Variants in STK3 observed in about 807,000 individuals in gnomAD.
STK3 encodes the protein serine/threonine-protein kinase 3.
STK3 carries 41 observed loss-of-function variants against 58.0 expected under a neutral mutation model. That is an observed-to-expected ratio of 0.71 (90% CI 0.55 to 0.92). The LOEUF is 0.92. STK3 is among the 40% of genes least tolerant of loss of function. The pLI is 0.00. For missense variants in STK3, 479 were observed against 602.7 expected (o/e 0.79, Z 2.15); for synonymous variants, 170 against 191.0 (o/e 0.89, Z 0.91).
At chr8:98,622,717 T>C (rs997234646) in intron 6 of STK3, among the ~76,000 whole-genome samples, 3 of 152,354 alleles carry the variant, frequency 2.0e-5, no homozygotes, top group South Asian at 2.1e-4. Context: ...TGTGTTCGCC[T>C]ATCCTAATGT....
At chr8:98,656,435 T>G (rs912115969) in intron 6 of STK3, among the ~76,000 whole-genome samples, 1 of 152,028 alleles carries the variant, frequency 6.6e-6, no homozygotes, top group Admixed American at 6.6e-5. Context: ...TGTATACATA[T>G]GTAACTAACC....
chr8:98,719,022 G>T (rs1827219963), intron 4 of STK3, among the ~76,000 whole-genome samples: 1 of 152,140 alleles, frequency 6.6e-6, no homozygotes, highest in Non-Finnish European at 1.5e-5. Context: ...GTACAGACTT[G>T]TCGATACAAA....
chr8:98,834,313 C>T (rs1411448955), intron 3 of STK3, among the ~76,000 whole-genome samples: 1 of 152,152 alleles, frequency 6.6e-6, no homozygotes, highest in Non-Finnish European at 1.5e-5. Context: ...TGAATCTGTG[C>T]TCCCAGGCTG....
intron 6 of STK3, among the ~76,000 whole-genome samples, chr8:98,698,669 T>C (rs981852965): frequency 9.2e-5 from 14 of 152,242 alleles, no homozygotes; most frequent in Admixed American, 3.9e-4. Context: ...AATTCTTTTC[T>C]TTAAGAATGT....
At chr8:98,792,935 G>C (rs1832901160) in intron 1 of STK3, among the ~76,000 whole-genome samples, 1 of 150,730 alleles carries the variant, frequency 6.6e-6, no homozygotes, top group African/African-American at 2.5e-5. Context: ...TATTACATAT[G>C]TGTGTACATA....
chr8:98,620,725 A>C (rs1468357397), intron 6 of STK3, among the ~76,000 whole-genome samples: 1 of 151,806 alleles, frequency 6.6e-6, no homozygotes, highest in Non-Finnish European at 1.5e-5. Context: ...AAAAAAGTTA[A>C]AAATATCAAT....
At chr8:98,936,065 G>A (rs953796239) in intron 1 of STK3, among the ~76,000 whole-genome samples, 9 of 151,856 alleles carry the variant, frequency 5.9e-5, no homozygotes, top group Admixed American at 2.0e-4. Context: ...ACAGGTGCCC[G>A]CCACCACACC....
intron 3 of STK3, among the ~76,000 whole-genome samples, chr8:98,416,244 C>T (rs950392925): frequency 4.6e-5 from 7 of 151,982 alleles, no homozygotes; most frequent in African/African-American, 1.2e-4. Flanking sequence ...TGGATTTGGG[C>T]GATCAAGATG....
chr8:98,793,386 A>G (rs1348747456), intron 1 of STK3, among the ~76,000 whole-genome samples: 1 of 152,164 alleles, frequency 6.6e-6, no homozygotes, highest in Non-Finnish European at 1.5e-5. Flanking sequence ...AAAATACAAA[A>G]AATTAGCCAG....
rs1833448276 is a variant in STK3 at position 98,800,351 on chromosome 8, T to C, written c.26+25164A>G. Among the ~76,000 whole-genome samples, 1 of 152,138 alleles carries C rather than the reference T, an allele frequency of 6.6e-6. No homozygotes were observed. Among genetic ancestry groups the C allele is most frequent in the Admixed American group, 6.5e-5 (1 of 15,282 alleles). On this transcript the variant is annotated intron_variant, in intron 1 of 10. Transcript: ENST00000419617. This position sits in a 1 kb window ranked among gnomAD's most constrained non-coding sequence, Gnocchi z 4.8. The stretch of plus-strand genomic sequence containing the variant: ...TTCAAAGCCCCTATCCAGCAGGAAG[T>C]AGTTAGAGCGGTCATCGGCCAAATT...
chr8:98,513,449 C>T (rs1332600901), intron 10 of STK3, among the ~76,000 whole-genome samples: 2 of 152,196 alleles, frequency 1.3e-5, no homozygotes, highest in Non-Finnish European at 2.9e-5. Flanking sequence ...TCCAGCTGGA[C>T]TGAATACTGA....
At chr8:98,713,256 C>T (rs1246738895) in intron 4 of STK3, among the ~76,000 whole-genome samples, 1 of 152,058 alleles carries the variant, frequency 6.6e-6, no homozygotes, top group Non-Finnish European at 1.5e-5. Context: ...CATTCAAAAG[C>T]TAGCAGAAGG....
In STK3 at chr8:98,706,577, C is replaced by T. The variant is rs992802416; in HGVS notation, c.574G>A (p.Val192Met). Reference sequence around the variant, plus strand: ...CAGTTATAGCCTATTTCTTGAATCACCTCAGGAGCCATCCAAAATGGAGTT... The same window carrying T: ...CAGTTATAGCCTATTTCTTGAATCATCTCAGGAGCCATCCAAAATGGAGTT... ...IGTPFWMAPE[V>M]IQEIGYNCVA... Residue 192 changes from valine (V) to methionine (M), a missense_variant, in exon 6 of 11, where the codon GTG (valine) becomes ATG (methionine). Physicochemically the swap from Val to Met is conservative, Grantham distance 21. Around this residue, in one of 3 missense-constraint regions of STK3, gnomAD observed 126 missense variants for 210.1 expected, o/e 0.60. Coordinates refer to ENST00000419617, the MANE Select transcript of STK3 (RefSeq NM_006281.4). 9 of 1,612,960 alleles carry T rather than the reference C, an allele frequency of 5.6e-6. 1 individual carries two copies. The highest frequency in any genetic ancestry group is 1.3e-5 in the African/African-American group (1 of 74,860).
intron 3 of STK3, among the ~76,000 whole-genome samples, chr8:98,406,326 G>C (rs185828381): frequency 1.3e-5 from 2 of 151,522 alleles, no homozygotes; most frequent in African/African-American, 4.9e-5. Flanking sequence ...AGGTTCAGGG[G>C]GTACACGTGC....
intron 1 of STK3, among the ~76,000 whole-genome samples, chr8:98,785,167 A>T (rs762251143): frequency 3.3e-5 from 5 of 149,298 alleles, no homozygotes; most frequent in Non-Finnish European, 7.4e-5. Context: ...AGATCTGGGT[A>T]CAGGCAGGCC....
At chr8:98,849,855 C>G (rs1836376514) in intron 3 of STK3, among the ~76,000 whole-genome samples, 1 of 152,092 alleles carries the variant, frequency 6.6e-6, no homozygotes, top group African/African-American at 2.4e-5. Flanking sequence ...GTTACAGGCC[C>G]ATTCCTGTGG....
intron 1 of STK3, among the ~76,000 whole-genome samples, chr8:98,384,096 C>T (rs538261729): frequency 7.2e-4 from 109 of 152,302 alleles, no homozygotes; most frequent in African/African-American, 2.4e-3. Context: ...CAGGTGCAGC[C>T]AGTTCTAGGC....
chr8:98,834,233 A>T (rs1403448529), intron 3 of STK3, among the ~76,000 whole-genome samples: 1 of 152,232 alleles, frequency 6.6e-6, no homozygotes, highest in Non-Finnish European at 1.5e-5. Flanking sequence ...TGGCAATGGA[A>T]CTGCCTCTTC....
At chr8:98,903,672 G>A (rs563583904) in intron 1 of STK3, among the ~76,000 whole-genome samples, 2 of 151,456 alleles carry the variant, frequency 1.3e-5, no homozygotes, top group Admixed American at 1.3e-4. Context: ...TCCAAACACT[G>A]CATTACAGAT....
Sources: allele counts gnomAD v4.1 joint callset (sites outside exome capture counted in the v4.1 genomes callset), GRCh38; gene constraint gnomAD v4.1.1; regional missense constraint gnomAD v4.1.1; non-coding constraint Gnocchi (gnomAD v3.1); transcripts MANE v1.5; gene names NCBI Gene and HGNC (gene_info 2026-07-23, HGNC 2026-07-21).